TEX11: variants seen among roughly 807,000 people sequenced by gnomAD.
The protein encoded by TEX11 is testis-expressed protein 11.
Under a neutral mutation model 84.4 loss-of-function variants are expected in TEX11, and 7 were observed. The observed-to-expected ratio is 0.08, with a 90% CI of 0.05 to 0.16. The LOEUF is 0.16. Among genes scored for constraint, TEX11 ranks in the 10% least tolerant of loss-of-function variants. TEX11 has a pLI of 1.00. For synonymous variants in TEX11, 264 were observed against 222.8 expected, an observed-to-expected ratio of 1.18 and a Z score of -1.64; for missense variants, 551 against 660.5, an observed-to-expected ratio of 0.83 and a Z score of 1.82.
intron 9 of TEX11, among the ~76,000 whole-genome samples, chrX:70,751,228 C>G (rs2090821884): frequency 9.4e-6 from 1 of 106,315 alleles, no homozygotes; most frequent in African/African-American, 3.4e-5. Flanking sequence ...GATATGGAAC[C>G]AACCCAAATG....
At position 70,670,357 on chromosome X, in the gene TEX11, A is replaced by G. The variant is rs754505951; in HGVS notation, c.1380+20T>C. On this transcript the variant is annotated intron_variant, in intron 16 of 29. Coordinates refer to ENST00000374333, the MANE Select transcript of TEX11 (RefSeq NM_031276.3). ...ACATAAGAACATTTGCTACCTCTGA[A>G]AATAGATAAATCAAAGGACCTTATC... 1.7e-6 allele frequency: 2 copies of G among 1,200,628 alleles called. No individual in the cohort carries two copies. Among genetic ancestry groups the G allele is most frequent in the South Asian group, 3.7e-5 (2 of 54,138 alleles).
intron 9 of TEX11, among the ~76,000 whole-genome samples, chrX:70,770,666 T>C (rs763850816): frequency 8.9e-6 from 1 of 111,810 alleles, no homozygotes; most frequent in African/African-American, 3.2e-5. Context: ...ATAAATATAT[T>C]AAATTATCAC....
intron 13 of TEX11, among the ~76,000 whole-genome samples, chrX:70,712,966 T>A (rs1418119654): frequency 8.9e-6 from 1 of 111,838 alleles, no homozygotes; most frequent in Non-Finnish European, 1.9e-5. Flanking sequence ...ATACATCCCA[T>A]CAATACCTAA....
At chrX:70,802,425 AACTTGATCG>A (rs1256438388) in intron 9 of TEX11, among the ~76,000 whole-genome samples, 1 of 111,821 alleles carries the variant, frequency 8.9e-6, no homozygotes, top group Non-Finnish European at 1.9e-5. Flanking sequence ...TATGATAATC[AACTTGATCG>A]TAGTAATCAT....
intron 15 of TEX11, among the ~76,000 whole-genome samples, chrX:70,674,553 C>T: frequency 8.9e-6 from 1 of 112,059 alleles, no homozygotes; most frequent in East Asian, 2.8e-4. Context: ...ACAACCTTGC[C>T]AGCATCTATT....
Position 70,683,379 on chromosome X carries a change from C to T in TEX11, c.1005-554G>A, listed in dbSNP as rs757825695. On this transcript the variant is annotated intron_variant, in intron 13 of 29. Transcript: ENST00000374333. ...GGTGTGGTGGTTCACGCCTGTAATCCCAGCACTTTGAGAGGCTGAGGTGGG... is the reference window on the plus strand; with the variant it reads ...GGTGTGGTGGTTCACGCCTGTAATCTCAGCACTTTGAGAGGCTGAGGTGGG... 6.3e-5 allele frequency among the ~76,000 whole-genome samples: 7 copies of T among 111,710 alleles called. No individual in the cohort carries two copies. The South Asian group carries it at 2.6e-3, about 42-fold the overall frequency.
chrX:70,729,259 C>T (rs1451584942), intron 11 of TEX11, among the ~76,000 whole-genome samples: 3 of 112,318 alleles, frequency 2.7e-5, no homozygotes, highest in Non-Finnish European at 3.8e-5. Context: ...GAGCACCTCT[C>T]CTCTTCCAAA....
intron 24 of TEX11, among the ~76,000 whole-genome samples, chrX:70,592,175 T>C (rs2088940990): frequency 1.8e-5 from 2 of 111,346 alleles, no homozygotes; most frequent in Admixed American, 9.6e-5. Flanking sequence ...AACATAATCA[T>C]GTAAAGGCTC....
chrX:70,626,988 G>A (rs921342346), intron 18 of TEX11, among the ~76,000 whole-genome samples: 1 of 112,236 alleles, frequency 8.9e-6, no homozygotes, highest in African/African-American at 3.2e-5. Context: ...ATAATGTGGT[G>A]TCCTGGAAGC....
chrX:70,731,767 C>A (rs1603240226), intron 11 of TEX11, among the ~76,000 whole-genome samples: 1 of 108,160 alleles, frequency 9.2e-6, no homozygotes, highest in African/African-American at 3.4e-5. Flanking sequence ...CTATTCCAAT[C>A]ATAGAAAAAG....
At chrX:70,548,696 A>C (rs187151137) in intron 28 of TEX11, among the ~76,000 whole-genome samples, 1 of 111,964 alleles carries the variant, frequency 8.9e-6, no homozygotes, top group Non-Finnish European at 1.9e-5. Context: ...ACTGATGCTC[A>C]TGGAGGGAGT....
intron 17 of TEX11, among the ~76,000 whole-genome samples, chrX:70,633,483 G>A (rs184387277): frequency 7.3e-4 from 82 of 111,795 alleles, no homozygotes; most frequent in African/African-American, 2.5e-3. Context: ...AAAAAGATAA[G>A]GATGTCCACT....
chrX:70,794,923 G>C (rs1373115379), intron 9 of TEX11, among the ~76,000 whole-genome samples: 1 of 107,373 alleles, frequency 9.3e-6, no homozygotes, highest in African/African-American at 3.4e-5. Context: ...GCTATGGGGA[G>C]AGTCTCCTTC....
chrX:70,594,310 A>G (rs1235904902), intron 24 of TEX11, among the ~76,000 whole-genome samples: 1 of 111,518 alleles, frequency 9.0e-6, no homozygotes, highest in Non-Finnish European at 1.9e-5. Context: ...CCCTGGATAA[A>G]TAAGAGCTGA....
intron 17 of TEX11, among the ~76,000 whole-genome samples, chrX:70,642,272 A>G (rs1402556877): frequency 8.9e-6 from 1 of 111,923 alleles, no homozygotes; most frequent in East Asian, 2.8e-4. Context: ...TTGTGGCAAT[A>G]ATCAATAGCT....
chrX:70,573,911 T>G (rs2088638542), intron 25 of TEX11, among the ~76,000 whole-genome samples: 1 of 111,349 alleles, frequency 9.0e-6, no homozygotes, highest in African/African-American at 3.3e-5. Flanking sequence ...CATGCTGGGC[T>G]TTGTTCTAAA....
intron 9 of TEX11, among the ~76,000 whole-genome samples, chrX:70,784,135 C>T (rs1002570802): frequency 8.9e-6 from 1 of 112,028 alleles, no homozygotes; most frequent in African/African-American, 3.2e-5. Context: ...CCACTACGAT[C>T]AAGTCAGCTT....
intron 9 of TEX11, among the ~76,000 whole-genome samples, chrX:70,782,654 A>AAAAAAAAC (rs2091048143): frequency 9.8e-6 from 1 of 102,391 alleles, no homozygotes; most frequent in Admixed American, 1.1e-4. Context: ...GCAAAAAAAA[A>AAAAAAAAC]AAAAAAAAAA....
chrX:70,785,032 A>C (rs1005226843), intron 9 of TEX11, among the ~76,000 whole-genome samples: 8 of 111,981 alleles, frequency 7.1e-5, no homozygotes, highest in Non-Finnish European at 1.1e-4. Context: ...AATCCTAAGC[A>C]AAAAGAACAA....
Sources: allele counts gnomAD v4.1 joint callset (sites outside exome capture counted in the v4.1 genomes callset), GRCh38; gene constraint gnomAD v4.1.1; transcripts MANE v1.5; gene names NCBI Gene and HGNC (gene_info 2026-07-23, HGNC 2026-07-21).